Variants in CDH10 observed in about 807,000 individuals in gnomAD.
CDH10 encodes the protein cadherin 10, also known as cadherin-10.
In CDH10, 30 loss-of-function variants were observed where a neutral mutation model predicts 73.1. That is an observed-to-expected ratio of 0.41 (90% CI 0.31 to 0.56). The LOEUF is 0.56. Ranked by LOEUF, CDH10 falls within the 20% of genes least tolerant of loss-of-function variation. The pLI, the probability that CDH10 is intolerant of heterozygous loss-of-function variation, is 0.27. For synonymous variants in CDH10, 345 were observed against 348.2 expected (o/e 0.99, Z 0.10); for missense variants, 815 against 973.7 (o/e 0.84, Z 2.17).
At chr5:24,488,912 G>C (rs1323533259) in intron 11 of CDH10, among the ~76,000 whole-genome samples, 1 of 150,774 alleles carries the variant, frequency 6.6e-6, no homozygotes, top group South Asian at 2.1e-4. Context: ...TAATAGAAAA[G>C]TGCACTGCTC....
chr5:24,530,016 C>CTTTTTTT (rs34282847), intron 5 of CDH10, among the ~76,000 whole-genome samples: 3 of 121,842 alleles, frequency 2.5e-5, no homozygotes, highest in Non-Finnish European at 3.3e-5. Context: ...TCTATTTTTA[C>CTTTTTTT]TTTTTTTTTT....
intron 2 of CDH10, among the ~76,000 whole-genome samples, chr5:24,583,258 G>A (rs1376574146): frequency 1.4e-5 from 2 of 147,916 alleles, no homozygotes; most frequent in Non-Finnish European, 1.5e-5. Flanking sequence ...AAAGTACACT[G>A]CCATGTTTCC....
chr5:24,629,511 T>C (rs748935616), intron 1 of CDH10, among the ~76,000 whole-genome samples: 2 of 152,142 alleles, frequency 1.3e-5, no homozygotes, highest in Non-Finnish European at 1.5e-5. Flanking sequence ...ATAATTGCTT[T>C]AGCTTAAAGA....
intron 1 of CDH10, among the ~76,000 whole-genome samples, chr5:24,617,910 A>C (rs1367914652): frequency 6.6e-6 from 1 of 152,204 alleles, no homozygotes; most frequent in African/African-American, 2.4e-5. Context: ...ATACGGTTTT[A>C]GAATTGTAAG....
intron 1 of CDH10, among the ~76,000 whole-genome samples, chr5:24,596,212 T>C (rs1746367834): frequency 6.6e-6 from 1 of 151,972 alleles, no homozygotes; most frequent in African/African-American, 2.4e-5. Context: ...TTTCAAAACA[T>C]TGTGACTTTA....
At position 24,525,339 on chromosome 5, in the gene CDH10, T is replaced by C. The variant is rs80028510; in HGVS notation, c.814+9773A>G. On this transcript the variant is annotated intron_variant, in intron 5 of 11. Coordinates refer to ENST00000264463, the MANE Select transcript of CDH10 (RefSeq NM_006727.5). ...CAGAGTTGAGATGAAAAAGGCATCATATATATGAATCAACAAAATAATTTA... is the reference window on the plus strand; with the variant it reads ...CAGAGTTGAGATGAAAAAGGCATCACATATATGAATCAACAAAATAATTTA... Among the ~76,000 whole-genome samples the C allele has an allele frequency of 3.3e-5, 5 of 152,200 alleles. No homozygotes were observed. The South Asian group carries it at 1.0e-3, about 31-fold the overall frequency.
chr5:24,583,549 A>G (rs1745876282), intron 2 of CDH10, among the ~76,000 whole-genome samples: 1 of 152,222 alleles, frequency 6.6e-6, no homozygotes, highest in Non-Finnish European at 1.5e-5. Context: ...GTACTTAACT[A>G]GAAAAAAATC....
intron 2 of CDH10, among the ~76,000 whole-genome samples, chr5:24,585,610 G>C (rs879431794): frequency 6.6e-6 from 1 of 152,080 alleles, no homozygotes; most frequent in Non-Finnish European, 1.5e-5. Flanking sequence ...TTTTAGTAGA[G>C]ACAGGGTTTC....
intron 2 of CDH10, among the ~76,000 whole-genome samples, chr5:24,586,679 A>T (rs1473121114): frequency 2.0e-5 from 3 of 151,344 alleles, no homozygotes; most frequent in Admixed American, 6.6e-5. Flanking sequence ...TCCTGACCTC[A>T]GGTGATCCAC....
intron 1 of CDH10, among the ~76,000 whole-genome samples, chr5:24,632,864 C>A (rs921351742): frequency 6.6e-6 from 1 of 151,806 alleles, no homozygotes; most frequent in African/African-American, 2.4e-5. Context: ...TCCAACACCA[C>A]AACTGAAGTT....
chr5:24,503,902 T>C (rs1006603183), intron 8 of CDH10, among the ~76,000 whole-genome samples: 3 of 152,206 alleles, frequency 2.0e-5, no homozygotes, highest in Admixed American at 1.3e-4. Context: ...TAGTAATATC[T>C]ACCTACAGGC....
At chr5:24,534,721 A>G (rs1199072749) in intron 5 of CDH10, among the ~76,000 whole-genome samples, 1 of 152,096 alleles carries the variant, frequency 6.6e-6, no homozygotes, top group Non-Finnish European at 1.5e-5. Context: ...ATTGTCCTCA[A>G]TTTAGGTTCC....
intron 9 of CDH10, among the ~76,000 whole-genome samples, chr5:24,494,979 C>T (rs1403666385): frequency 6.6e-6 from 1 of 152,010 alleles, no homozygotes; most frequent in Non-Finnish European, 1.5e-5. Context: ...TAAGACATTA[C>T]TTCTAGTGTT....
At chr5:24,533,693 G>C (rs1743831654) in intron 5 of CDH10, among the ~76,000 whole-genome samples, 1 of 151,970 alleles carries the variant, frequency 6.6e-6, no homozygotes, top group Admixed American at 6.6e-5. Flanking sequence ...AAAAATACTT[G>C]TAAAATGTGA....
At chr5:24,573,728 C>T (rs2112031502) in intron 2 of CDH10, among the ~76,000 whole-genome samples, 1 of 148,600 alleles carries the variant, frequency 6.7e-6, no homozygotes, top group East Asian at 2.0e-4. Context: ...AAGAAACAGC[C>T]ATTCATATAA....
intron 5 of CDH10, 27 bp from the exon 6 acceptor site, chr5:24,511,541 GAGAC>G (rs774138671): frequency 2.6e-5 from 19 of 719,566 alleles, no homozygotes; most frequent in East Asian, 9.6e-5. Flanking sequence ...AAAGAAGAGA[GAGAC>G]AGAGAGAGAG....
intron 5 of CDH10, among the ~76,000 whole-genome samples, chr5:24,522,315 C>T (rs1743364783): frequency 6.6e-6 from 1 of 152,050 alleles, no homozygotes; most frequent in Non-Finnish European, 1.5e-5. Context: ...TGAATGCTCA[C>T]TTTAACCACC....
chr5:24,600,298 G>GT (rs1447263270), intron 1 of CDH10, among the ~76,000 whole-genome samples: 2 of 152,072 alleles, frequency 1.3e-5, no homozygotes, highest in African/African-American at 4.8e-5. Flanking sequence ...AAATCATTGT[G>GT]TTTTTTTCTT....
intron 1 of CDH10, among the ~76,000 whole-genome samples, chr5:24,613,511 C>G (rs1002070639): frequency 8.4e-6 from 1 of 119,604 alleles, no homozygotes; most frequent in African/African-American, 3.1e-5. Context: ...TGCAAGCATC[C>G]TCTTTGCTGG....
Sources: allele counts gnomAD v4.1 joint callset (sites outside exome capture counted in the v4.1 genomes callset), GRCh38; gene constraint gnomAD v4.1.1; transcripts MANE v1.5; gene names NCBI Gene and HGNC (gene_info 2026-07-23, HGNC 2026-07-21).